Variants in MTRR observed in about 807,000 individuals in gnomAD.
MTRR encodes 5-methyltetrahydrofolate-homocysteine methyltransferase reductase.
Under a neutral mutation model 79.2 loss-of-function variants are expected in MTRR, and 63 were observed. That is an observed-to-expected ratio of 0.80 (90% confidence interval 0.65 to 0.98). The LOEUF (loss-of-function observed/expected upper bound fraction) is 0.98, where lower values mean the gene tolerates loss of function less well. Ranked by LOEUF, MTRR falls within the 50% of genes least tolerant of loss-of-function variation. MTRR has a pLI of 0.00. For missense variants in MTRR, 895 were observed against 839.6 expected (o/e 1.07, Z -0.82); for synonymous variants, 355 against 313.3 (o/e 1.13, Z -1.41).
intron 6 of MTRR, among the ~76,000 whole-genome samples, 162 bp downstream of exon 6, chr5:7,883,439 ACATATGCTGAGTTGTGTGG>A: frequency 7.1e-6 from 1 of 141,118 alleles, no homozygotes; most frequent in South Asian, 2.2e-4. Flanking sequence ...GTGCTTGGTT[ACATATGCTGAGTTGTGTGG>A]TGCTTGGTTA....
chr5:7,870,877 T>C lies in MTRR; in HGVS notation c.83T>C (p.Val28Ala), dbSNP rs773463459. The C allele has an allele frequency of 6.2e-7, 1 of 1,614,154 alleles. No homozygotes were observed. The highest frequency in any genetic ancestry group is 1.7e-5 in the Admixed American group (1 of 60,028). The stretch of plus-strand genomic sequence containing the variant: ...GAAGAAATATGTGAGCAAGCTGTGG[T>C]ACATGGATTTTCTGCAGATCTTCAC... ...IAEEICEQAV[V>A]HGFSADLHCI... The change falls in exon 2 of 15, where the codon GTA becomes GCA. Residue 28 changes from valine to alanine, a missense_variant. Transcript: ENST00000440940.
intron 10 of MTRR, 93 bp downstream of exon 10, chr5:7,891,507 T>A: frequency 3.7e-6 from 4 of 1,079,112 alleles, no homozygotes; most frequent in African/African-American, 1.6e-5. Context: ...ATTTATTCAG[T>A]GAAAACTTAC....
intron 1 of MTRR, 54 bp downstream of exon 1, chr5:7,869,269 AT>A (rs1747420588): frequency 1.9e-6 from 3 of 1,588,140 alleles, no homozygotes; most frequent in East Asian, 4.5e-5. Context: ...CCCTGCACTA[AT>A]CTCCTGGGAG....
intron 14 of MTRR, among the ~76,000 whole-genome samples, chr5:7,898,989 C>T (rs1739006586): frequency 6.6e-6 from 1 of 152,216 alleles, no homozygotes; most frequent in South Asian, 2.1e-4. Flanking sequence ...GTGAAGACCC[C>T]AGGAAGCTTC....
chr5:7,889,381 T>G, intron 9 of MTRR, 106 bp downstream of exon 9: 1 of 1,177,358 alleles, frequency 8.5e-7, no homozygotes. Flanking sequence ...ACCCTTTGTA[T>G]CCTATGCCTA....
chr5:7,856,225 C>T (rs1294273341), intron 1 of MTRR, among the ~76,000 whole-genome samples: 2 of 152,210 alleles, frequency 1.3e-5, no homozygotes, highest in Non-Finnish European at 2.9e-5. Flanking sequence ...GAAGCTACTT[C>T]TCCATTGGTC....
In MTRR at chr5:7,890,330, A is replaced by C. The variant is rs1737336017; in HGVS notation, c.1328-1042A>C. 9.1e-6 allele frequency: 9 copies of C among 985,388 alleles called. No homozygotes were observed. In the South Asian group the frequency reaches 3.8e-4, roughly 41 times the overall value. 61.0% of individuals were successfully genotyped at this position (985,388 alleles called of 1,614,324 possible). On this transcript the variant is annotated intron_variant, in intron 9 of 14. Transcript: ENST00000440940. ...GCTGAATGAGGCTGCTCTTCTCACC[A>C]TCCTGTCCTCAGGCTGGCCCTCTCA...
chr5:7,889,384 T>A, intron 9 of MTRR, 109 bp downstream of exon 9: 1 of 1,155,612 alleles, frequency 8.7e-7, no homozygotes, highest in Non-Finnish European at 1.3e-6. Context: ...CTTTGTATCC[T>A]ATGCCTAAAG....
Position 7,900,350 on chromosome 5 carries a change from C to T in MTRR, c.*292C>T. 5.4e-6 allele frequency: 2 copies of T among 373,180 alleles called. No homozygotes were observed. Among genetic ancestry groups the T allele is most frequent in the Non-Finnish European group, 9.9e-6 (2 of 202,696 alleles). 23.1% of individuals were successfully genotyped at this position (373,180 alleles called of 1,614,324 possible). ...GTCCCTATCAGCGCCTCCTTTACTT[C>T]CCAGAGAACTTCACAGAGACTCTGT... is the stretch of plus-strand genomic sequence containing the variant. On this transcript the variant is annotated 3_prime_UTR_variant, in exon 15 of 15. Transcript: ENST00000440940.
intron 11 of MTRR, 102 bp from the exon 12 acceptor site, chr5:7,895,632 T>C: frequency 6.9e-7 from 1 of 1,453,476 alleles, no homozygotes; most frequent in Non-Finnish European, 9.6e-7. Flanking sequence ...GTTTCTTTGA[T>C]GGGAATTTTC....
At chr5:7,862,708 G>A (rs775841242) in intron 2 of MTRR, 13 of 881,472 alleles carry the variant, frequency 1.5e-5, no homozygotes, top group Non-Finnish European at 1.9e-5. Flanking sequence ...CTTCAGGGAA[G>A]GGACCATTCC....
upstream of MTRR, chr5:7,867,340 C>T (rs370366494): frequency 2.5e-5 from 40 of 1,613,918 alleles, no homozygotes; most frequent in African/African-American, 5.1e-4. Context: ...TAAATGTTTC[C>T]AATTTTTCAC....
At chr5:7,876,715 A>G (rs563106166) in intron 4 of MTRR, among the ~76,000 whole-genome samples, 1 of 152,324 alleles carries the variant, frequency 6.6e-6, no homozygotes, top group South Asian at 2.1e-4. Context: ...TGGTTGAATT[A>G]GTTAAGCTTT....
At chr5:7,860,660 C>T (rs1451481390) in intron 1 of MTRR, among the ~76,000 whole-genome samples, 5 of 152,304 alleles carry the variant, frequency 3.3e-5, no homozygotes, top group African/African-American at 4.8e-5. Context: ...CCAGTTAGTA[C>T]TGTAAAAGCA....
At chr5:7,875,879 A>G (rs1295782939) in intron 4 of MTRR, among the ~76,000 whole-genome samples, 11 of 152,236 alleles carry the variant, frequency 7.2e-5, no homozygotes, top group Non-Finnish European at 1.6e-4. Flanking sequence ...AGACGTTTAC[A>G]GACGCATACT....
chr5:7,891,433 G>A lies in MTRR; in HGVS notation c.1370+19G>A, dbSNP rs113005255. 31,030 of 1,586,230 alleles carry A rather than the reference G, an allele frequency of 0.02. 345 individuals carry two copies. The highest frequency in any genetic ancestry group is 0.023 in the Non-Finnish European group (26,933 of 1,155,950). On this transcript the variant is annotated intron_variant, in intron 10 of 14. Coordinates refer to ENST00000440940, the MANE Select transcript of MTRR (RefSeq NM_002454.3). ...GTGCAAGGTACTACTATTTATTCAC[G>A]TAATATATAGCATTGTTTCTCCAAA...
chr5:7,893,355 A>G (rs3822443), intron 11 of MTRR, among the ~76,000 whole-genome samples: 6,232 of 152,194 alleles, frequency 0.041, 260 homozygotes, highest in East Asian at 0.18. Flanking sequence ...ATATTGTCCA[A>G]TTTTGGCTAG....
At chr5:7,892,621 T>G (rs1401948646) in intron 10 of MTRR, 106 bp from the exon 11 acceptor site, 3 of 1,246,698 alleles carry the variant, frequency 2.4e-6, no homozygotes, top group Non-Finnish European at 1.2e-6. Context: ...GAAGGTAGAT[T>G]AGAGCCTATA....
chr5:7,889,416 GTGAT>G, intron 9 of MTRR, 141 bp downstream of exon 9: 1 of 881,076 alleles, frequency 1.1e-6, no homozygotes, highest in Non-Finnish European at 1.8e-6. Flanking sequence ...ATGAATGGTG[GTGAT>G]TGGTAAGTAA....
Sources: allele counts gnomAD v4.1 joint callset (sites outside exome capture counted in the v4.1 genomes callset), GRCh38; gene constraint gnomAD v4.1.1; transcripts MANE v1.5; gene names NCBI Gene and HGNC (gene_info 2026-07-23, HGNC 2026-07-21).